The following MTA3 variants were observed in gnomAD, a reference collection of about 807,000 sequenced individuals.
The protein encoded by MTA3 is metastasis associated 1 family member 3, also known as metastasis-associated protein MTA3.
In MTA3, 34 loss-of-function variants were observed where a neutral mutation model predicts 83.5. The ratio of observed to expected loss-of-function variants is 0.41; its 90% CI spans 0.31 to 0.54. The LOEUF is 0.54. Among genes scored for constraint, MTA3 ranks in the 20% least tolerant of loss-of-function variants. The pLI is 0.33. For missense variants in MTA3, 761 were observed against 726.4 expected (o/e 1.05, Z -0.55); for synonymous variants, 303 against 252.7 (o/e 1.20, Z -1.89).
At chr2:42,552,585 C>G (rs1157084111) in intron 2 of MTA3, among the ~76,000 whole-genome samples, 2 of 148,778 alleles carry the variant, frequency 1.3e-5, no homozygotes, top group African/African-American at 5.0e-5. Context: ...GATGGCACCA[C>G]TGCACTACCA....
At chr2:42,581,360 CT>C (rs778419810) in intron 3 of MTA3, among the ~76,000 whole-genome samples, 3,473 of 88,262 alleles carry the variant, frequency 0.039, 14 homozygotes, top group African/African-American at 0.058. Context: ...TCCCAAATTG[CT>C]TTTTTTTTTT....
intron 4 of MTA3, among the ~76,000 whole-genome samples, chr2:42,639,155 G>T (rs1374997012): frequency 1.3e-5 from 2 of 151,444 alleles, no homozygotes; most frequent in Admixed American, 1.3e-4. Flanking sequence ...CTGCCTCTGG[G>T]GTTCAAGCGA....
chr2:42,654,584 C>T (rs1003605957), intron 6 of MTA3, among the ~76,000 whole-genome samples: 2 of 152,166 alleles, frequency 1.3e-5, no homozygotes, highest in African/African-American at 2.4e-5. Flanking sequence ...GCAAAGCATT[C>T]AGCATTATTG....
chr2:42,591,980 T>C (rs547618339), intron 3 of MTA3, among the ~76,000 whole-genome samples: 1 of 151,758 alleles, frequency 6.6e-6, no homozygotes, highest in South Asian at 2.1e-4. Context: ...AAAAATTCAT[T>C]TGGCCAGGTG....
At chr2:42,530,090 C>T (rs1237456295) in intron 2 of MTA3, among the ~76,000 whole-genome samples, 1 of 151,416 alleles carries the variant, frequency 6.6e-6, no homozygotes, top group Non-Finnish European at 1.5e-5. Context: ...GAGGCTGAGG[C>T]AGGAGAATAG....
chr2:42,669,532 T>A (rs1690606186), intron 8 of MTA3, among the ~76,000 whole-genome samples: 1 of 152,200 alleles, frequency 6.6e-6, no homozygotes, highest in Non-Finnish European at 1.5e-5. Context: ...TTTCCAAGGC[T>A]ATAAAATTAG....
At position 42,574,725 on chromosome 2, in the gene MTA3, CT is replaced by C. The variant is rs113011818; in HGVS notation, c.96+4222del. 9.4e-3 allele frequency among the ~76,000 whole-genome samples: 1,433 copies of C among 152,324 alleles called. 28 individuals carry two copies. Among genetic ancestry groups the C allele is most frequent in the African/African-American group, 0.033 (1,361 of 41,570 alleles). On this transcript the variant is annotated intron_variant, in intron 2 of 16. Coordinates refer to ENST00000405094, the MANE Select transcript of MTA3 (RefSeq NM_001330442.2). The stretch of plus-strand genomic sequence containing the variant: ...ACAGGCGTGAACCACTGCACCCCGC[CT>C]AATGTTTAAATTTTTTGTAGACGTG...
chr2:42,557,809 G>C (rs759535229), intron 2 of MTA3, among the ~76,000 whole-genome samples: 3 of 152,142 alleles, frequency 2.0e-5, no homozygotes, highest in Non-Finnish European at 2.9e-5. Context: ...TACAGATAAA[G>C]ATAAAAGGAA....
intron 4 of MTA3, among the ~76,000 whole-genome samples, chr2:42,633,734 A>T (rs1365788648): frequency 1.3e-5 from 2 of 152,090 alleles, no homozygotes; most frequent in South Asian, 4.2e-4. Flanking sequence ...TACTAAAAAT[A>T]CAAAAAAAAG....
At chr2:42,622,371 G>A (rs532244606) in intron 4 of MTA3, among the ~76,000 whole-genome samples, 1 of 150,306 alleles carries the variant, frequency 6.7e-6, no homozygotes, top group African/African-American at 2.5e-5. Flanking sequence ...GTCCAGCTTC[G>A]GCTCGGCATG....
chr2:42,547,450 C>T (rs755597746), intron 2 of MTA3, among the ~76,000 whole-genome samples: 8 of 152,238 alleles, frequency 5.3e-5, no homozygotes, highest in Non-Finnish European at 1.2e-4. Flanking sequence ...GCCTCAGCCT[C>T]GTAAGTAGTA....
intron 3 of MTA3, among the ~76,000 whole-genome samples, chr2:42,587,348 T>TA (rs1414396082): frequency 6.6e-6 from 1 of 152,116 alleles, no homozygotes; most frequent in Non-Finnish European, 1.5e-5. Flanking sequence ...AGCAAACATT[T>TA]AAAAGATACA....
chr2:42,513,918 G>C (rs1572903744), intron 2 of MTA3, among the ~76,000 whole-genome samples: 1 of 152,154 alleles, frequency 6.6e-6, no homozygotes, highest in African/African-American at 2.4e-5. Context: ...AGAGCTCAAA[G>C]AATCCCAAGT....
chr2:42,549,642 A>C (rs1165384475), intron 2 of MTA3, among the ~76,000 whole-genome samples: 1 of 116,216 alleles, frequency 8.6e-6, no homozygotes, highest in African/African-American at 3.3e-5. Flanking sequence ...TACATATATA[A>C]TATATAATAT....
chr2:42,540,115 T>A (rs1473520621), intron 2 of MTA3, among the ~76,000 whole-genome samples: 1 of 151,136 alleles, frequency 6.6e-6, no homozygotes, highest in African/African-American at 2.4e-5. Context: ...AGGAGTTGAG[T>A]CAGGTGAAGG....
intron 2 of MTA3, among the ~76,000 whole-genome samples, chr2:42,545,227 A>C (rs1572957156): frequency 6.6e-6 from 1 of 152,158 alleles, no homozygotes; most frequent in South Asian, 2.1e-4. Flanking sequence ...AAAGTACAAA[A>C]ATTAGCTGGG....
intron 8 of MTA3, among the ~76,000 whole-genome samples, chr2:42,672,314 GA>G (rs746565933): frequency 2.3e-4 from 35 of 150,110 alleles, no homozygotes; most frequent in Admixed American, 1.5e-3. Context: ...AGACCAGCCT[GA>G]GTCAACATAG....
intron 3 of MTA3, among the ~76,000 whole-genome samples, chr2:42,606,759 G>C (rs1238759947): frequency 6.6e-6 from 1 of 151,626 alleles, no homozygotes; most frequent in African/African-American, 2.4e-5. Flanking sequence ...AGTGAGCCGA[G>C]ATCACGCCAC....
chr2:42,621,931 G>A (rs948845801), intron 4 of MTA3, among the ~76,000 whole-genome samples: 1 of 150,944 alleles, frequency 6.6e-6, no homozygotes, highest in South Asian at 2.1e-4. Context: ...CTGGGCAGCC[G>A]GGCAGAGGGG....
Sources: allele counts gnomAD v4.1 joint callset (sites outside exome capture counted in the v4.1 genomes callset), GRCh38; gene constraint gnomAD v4.1.1; transcripts MANE v1.5; gene names NCBI Gene and HGNC (gene_info 2026-07-23, HGNC 2026-07-21).